Variants in GALNT14 observed in about 807,000 individuals in gnomAD.
GALNT14 encodes polypeptide N-acetylgalactosaminyltransferase 14, also known as UDP-GalNAc:polypeptide N-acetylgalactosaminyltransferase 14.
A neutral mutation model predicts 77.5 loss-of-function variants in GALNT14; 60 were observed. That is an observed-to-expected ratio of 0.77 (90% CI 0.63 to 0.96). The LOEUF is 0.96. GALNT14 is among the 40% of genes least tolerant of loss of function. The pLI, the probability that GALNT14 is intolerant of heterozygous loss-of-function variation, is 0.00. For synonymous variants in GALNT14, 280 were observed against 281.7 expected (o/e 0.99, Z 0.06); for missense variants, 710 against 731.0 (o/e 0.97, Z 0.33).
intron 2 of GALNT14, among the ~76,000 whole-genome samples, chr2:30,971,298 C>G (rs1396874174): frequency 6.6e-6 from 1 of 151,930 alleles, no homozygotes; most frequent in Non-Finnish European, 1.5e-5. Flanking sequence ...CGAGCAAGTA[C>G]GTTGATAATT....
intron 1 of GALNT14, among the ~76,000 whole-genome samples, chr2:31,000,573 G>C (rs1670309296): frequency 6.6e-6 from 1 of 152,014 alleles, no homozygotes. Flanking sequence ...AATCCTCAAA[G>C]TAGCCTGGAG....
chr2:31,069,801 C>G (rs1197848059), intron 1 of GALNT14, among the ~76,000 whole-genome samples: 1 of 152,154 alleles, frequency 6.6e-6, no homozygotes, highest in Admixed American at 6.5e-5. Flanking sequence ...TGACTGTCCA[C>G]TGTTGTGTGT....
chr2:30,918,806 G>A (rs1383617008), intron 13 of GALNT14, among the ~76,000 whole-genome samples: 2 of 148,720 alleles, frequency 1.3e-5, no homozygotes, highest in Non-Finnish European at 3.0e-5. Context: ...GGGCAGGGAG[G>A]GTGGTGTGTG....
chr2:31,126,471 C>T (rs987038233), intron 1 of GALNT14, among the ~76,000 whole-genome samples: 3 of 152,070 alleles, frequency 2.0e-5, no homozygotes, highest in African/African-American at 4.8e-5. Flanking sequence ...CCTTGGTGTT[C>T]GTCACATGAA....
intron 1 of GALNT14, among the ~76,000 whole-genome samples, chr2:31,105,578 T>C (rs924481496): frequency 6.6e-6 from 1 of 151,994 alleles, no homozygotes; most frequent in Non-Finnish European, 1.5e-5. Flanking sequence ...ATACAAAAAT[T>C]AGCCAGGTGT....
At chr2:30,945,031 G>A in intron 7 of GALNT14, 89 bp from the exon 8 acceptor site, 1 of 1,169,396 alleles carries the variant, frequency 8.6e-7, no homozygotes, top group Admixed American at 2.3e-5. Flanking sequence ...AATGTACCCA[G>A]GTCCTGGAGA....
At chr2:31,081,847 C>G (rs997115451) in intron 1 of GALNT14, among the ~76,000 whole-genome samples, 2 of 152,166 alleles carry the variant, frequency 1.3e-5, no homozygotes, top group African/African-American at 4.8e-5. Flanking sequence ...TTAATCGACT[C>G]TTCCTGACTA....
intron 13 of GALNT14, among the ~76,000 whole-genome samples, chr2:30,923,320 T>C (rs536403892): frequency 6.6e-6 from 1 of 152,228 alleles, no homozygotes; most frequent in East Asian, 1.9e-4. Flanking sequence ...CACCTTGACC[T>C]TCCAAAGTGC....
intron 8 of GALNT14, among the ~76,000 whole-genome samples, chr2:30,942,582 C>T (rs1278322129): frequency 6.6e-6 from 1 of 152,170 alleles, no homozygotes; most frequent in Non-Finnish European, 1.5e-5. Flanking sequence ...GCATATCTCC[C>T]ATGGGGACAC....
intron 13 of GALNT14, among the ~76,000 whole-genome samples, chr2:30,915,830 G>T (rs143163602): frequency 5.6e-4 from 85 of 152,350 alleles, no homozygotes; most frequent in African/African-American, 1.9e-3. Flanking sequence ...TAAGTTAAAT[G>T]TTAAAGGCTG....
At chr2:31,015,789 C>T (rs1573165222) in intron 1 of GALNT14, among the ~76,000 whole-genome samples, 1 of 152,334 alleles carries the variant, frequency 6.6e-6, no homozygotes, top group East Asian at 1.9e-4. Context: ...AAACAACTGA[C>T]TAGAACTCTT....
At chr2:30,896,893 T>C in the GALNT14 span, among the ~76,000 whole-genome samples, 1 of 152,028 alleles carries the variant, frequency 6.6e-6, no homozygotes, top group African/African-American at 2.4e-5. Context: ...AGTAACATAG[T>C]TCAGGTCTCA....
Position 30,923,165 on chromosome 2 carries a change from C to T in GALNT14, c.1380+954G>A, listed in dbSNP as rs955121878. Among the ~76,000 whole-genome samples the T allele has an allele frequency of 3.4e-5, 5 of 148,592 alleles. No individual in the cohort carries two copies. In the South Asian group the frequency reaches 6.4e-4, roughly 19 times the overall value. On this transcript the variant is annotated intron_variant, in intron 13 of 14. Transcript: ENST00000349752. Reference sequence around the variant, plus strand: ...GCAACCTCCGCCTCCAGGGTTCAAGCGATTCTCCTGCCTCAGCCCCCTGAG... The same window carrying T: ...GCAACCTCCGCCTCCAGGGTTCAAGTGATTCTCCTGCCTCAGCCCCCTGAG...
intron 1 of GALNT14, among the ~76,000 whole-genome samples, chr2:31,038,511 G>A (rs928960039): frequency 1.3e-5 from 2 of 151,790 alleles, no homozygotes; most frequent in Admixed American, 6.6e-5. Flanking sequence ...GGAGTTGCCA[G>A]ACAGGCCATA....
chr2:31,057,749 TTGGCCCCTTCCCCCATACATTCTCTC>T (rs1454959269), intron 1 of GALNT14, among the ~76,000 whole-genome samples: 1 of 152,074 alleles, frequency 6.6e-6, no homozygotes, highest in Non-Finnish European at 1.5e-5. Flanking sequence ...CTATGCTCCC[TTGGCCCCTTCCCCCATACATTCTCTC>T]TGACCTTTTC....
At chr2:30,939,897 T>C (rs1415410970) in intron 9 of GALNT14, among the ~76,000 whole-genome samples, 2 of 151,838 alleles carry the variant, frequency 1.3e-5, no homozygotes, top group Admixed American at 6.6e-5. Flanking sequence ...AATTCCTCCT[T>C]CACGCACTCA....
intron 1 of GALNT14, among the ~76,000 whole-genome samples, chr2:31,009,607 G>A (rs1244959691): frequency 1.3e-5 from 2 of 152,104 alleles, no homozygotes; most frequent in Non-Finnish European, 2.9e-5. Flanking sequence ...AACGCCTACT[G>A]GACATGCCCA....
chr2:30,977,859 A>G (rs938420159), intron 2 of GALNT14, among the ~76,000 whole-genome samples: 1 of 151,840 alleles, frequency 6.6e-6, no homozygotes, highest in Admixed American at 6.6e-5. Flanking sequence ...CCTCTTTTTT[A>G]TATCACCAAG....
chr2:30,980,819 C>T (rs890035784), intron 2 of GALNT14, among the ~76,000 whole-genome samples: 16 of 152,232 alleles, frequency 1.1e-4, no homozygotes, highest in African/African-American at 2.7e-4. Flanking sequence ...CGGTGGCTCA[C>T]GCCTGTAATC....
Sources: gnomAD v4.1 joint callset for allele counts (sites outside exome capture counted in the v4.1 genomes callset) on GRCh38, gnomAD v4.1.1 for gene constraint, MANE v1.5 for transcripts, NCBI Gene and HGNC (gene_info 2026-07-23, HGNC 2026-07-21) for gene names.